EVPLL: variants seen among roughly 807,000 people sequenced by gnomAD.
EVPLL encodes the protein envoplakin-like protein.
EVPLL carries 39 observed loss-of-function variants against 46.2 expected under a neutral mutation model. The observed-to-expected ratio is 0.84, with a 90% confidence interval of 0.65 to 1.10. The LOEUF is 1.10. Ranked by LOEUF, EVPLL falls within the 50% of genes least tolerant of loss-of-function variation. The probability of loss-of-function intolerance (pLI) is 0.00; values close to 1 mark genes in which losing one functional copy is unlikely to be tolerated. For missense variants in EVPLL, 385 were observed against 412.6 expected (o/e 0.93, Z 0.58); for synonymous variants, 156 against 165.8 (o/e 0.94, Z 0.46).
intron 1 of EVPLL, 151 bp from the exon 2 acceptor site, chr17:18,380,751 G>C (rs1987536305): frequency 1.7e-5 from 11 of 657,850 alleles, no homozygotes; most frequent in Non-Finnish European, 2.9e-5. Context: ...CTAGCTCACA[G>C]AGCCTCCTGC....
chr17:18,380,682 G>A lies in EVPLL; in HGVS notation c.-36-220G>A, dbSNP rs1987533879. The A allele has an allele frequency of 9.5e-6, 5 of 525,526 alleles. No homozygotes were observed. In the South Asian group the frequency reaches 1.2e-4, roughly 13 times the overall value. The allele number at this position is 525,526 out of a possible 1,614,324, so 32.6% of individuals were successfully genotyped here. ...CTGACACCCAGCACCACACAGACCT[G>A]AGACCCTCACCTTTTGACCCCTCAT... is the stretch of plus-strand genomic sequence containing the variant. On this transcript the variant is annotated intron_variant, in intron 1 of 10. Transcript: ENST00000399134.
chr17:18,381,338 T>C lies in EVPLL; in HGVS notation c.64-29T>C, dbSNP rs1987562787. The C allele has an allele frequency of 1.3e-6, 2 of 1,527,420 alleles. No individual in the cohort carries two copies. Among genetic ancestry groups the C allele is most frequent in the Non-Finnish European group, 1.8e-6 (2 of 1,132,948 alleles). The allele number at this position is 1,527,420 out of a possible 1,614,324, so 94.6% of individuals were successfully genotyped here. A position where few individuals can be genotyped will look rare whatever the true frequency, so the allele number is the denominator to read the frequency against. On this transcript the variant is annotated intron_variant, in intron 2 of 10. Transcript: ENST00000399134. This position sits in a 1 kb window ranked among gnomAD's most constrained non-coding sequence, Gnocchi z 4.2. Reference sequence around the variant, plus strand: ...GCAGGGGTGTGGGGGCTCTGGACCCTGGCAAGTCTGCCCATCCCCTGCCCA... The same window carrying C: ...GCAGGGGTGTGGGGGCTCTGGACCCCGGCAAGTCTGCCCATCCCCTGCCCA...
chr17:18,386,275 A>T (rs1987761157), intron 9 of EVPLL: 1 of 152,158 alleles, frequency 6.6e-6, no homozygotes, highest in Non-Finnish European at 1.5e-5. Flanking sequence ...GACATCAGTC[A>T]TATTGAATTG....
intron 9 of EVPLL, among the ~76,000 whole-genome samples, chr17:18,386,147 G>A (rs11870681): frequency 0.038 from 5,851 of 152,144 alleles, 357 homozygotes; most frequent in African/African-American, 0.13. Flanking sequence ...TTTCCAGGGC[G>A]GTGCGGGAAG....
At position 18,377,816 on chromosome 17, in the gene EVPLL, C is replaced by A; in HGVS notation, c.-204C>A. 1 of 630,828 alleles carries A rather than the reference C, an allele frequency of 1.6e-6. No homozygotes were observed. Among genetic ancestry groups the A allele is most frequent in the Non-Finnish European group, 2.7e-6 (1 of 366,536 alleles). 39.1% of individuals were successfully genotyped at this position (630,828 alleles called of 1,614,324 possible). A position where few individuals can be genotyped will look rare whatever the true frequency, so the allele number is the denominator to read the frequency against. ...GACCAGCCAGCAAGGACGCCCGCTG[C>A]CTCCCACCTGCCCTCCTGCCCTCCT... On this transcript the variant is annotated 5_prime_UTR_variant, in exon 1 of 11. Coordinates refer to ENST00000399134, the MANE Select transcript of EVPLL (RefSeq NM_001145127.2).
At chr17:18,382,343 A>T in intron 4 of EVPLL, 170 bp from the exon 5 acceptor site, 1 of 794,522 alleles carries the variant, frequency 1.3e-6, no homozygotes, top group Non-Finnish European at 1.9e-6. Context: ...CACCCTGCAG[A>T]GCAGAATGGC....
In EVPLL at chr17:18,377,794, C is replaced by A. The variant is rs1987428796; in HGVS notation, c.-226C>A. On this transcript the variant is annotated 5_prime_UTR_variant, in exon 1 of 11. Coordinates refer to ENST00000399134, the MANE Select transcript of EVPLL (RefSeq NM_001145127.2). Reference sequence around the variant, plus strand: ...CCCCACCTTGCCAGACTTAGCTGACCAGCCAGCAAGGACGCCCGCTGCCTC... The same window carrying A: ...CCCCACCTTGCCAGACTTAGCTGACAAGCCAGCAAGGACGCCCGCTGCCTC... 7 of 578,744 alleles carry A rather than the reference C, an allele frequency of 1.2e-5. No homozygotes were observed. The East Asian group carries it at 2.7e-4, about 22-fold the overall frequency. The allele number at this position is 578,744 out of a possible 1,614,324, so 35.9% of individuals were successfully genotyped here.
intron 8 of EVPLL, 56 bp downstream of exon 8, chr17:18,383,434 G>C (rs1987665394): frequency 6.5e-7 from 1 of 1,539,628 alleles, no homozygotes; most frequent in Non-Finnish European, 8.8e-7. Context: ...GGAAGGGGGG[G>C]GTGGACGTGG....
chr17:18,387,410 A>G (rs796139787), intron 9 of EVPLL, among the ~76,000 whole-genome samples: 2,425 of 125,176 alleles, frequency 0.019, 6 homozygotes, highest in African/African-American at 0.038. Flanking sequence ...AGCCTCCCCA[A>G]TGGCCTCCCT....
chr17:18,382,934 G>T, intron 6 of EVPLL, 70 bp downstream of exon 6: 3 of 1,593,438 alleles, frequency 1.9e-6, no homozygotes, highest in Non-Finnish European at 1.7e-6. Flanking sequence ...CCCTGCCCGG[G>T]GCCAGTGTTC....
Position 18,377,910 on chromosome 17 carries a change from TCC to T in EVPLL, c.-108_-107del. ...CATGTTCAAGGGACTGAGCAAAGGC[TCC>T]CAGGGGAAGGGGTCCCCCAAGGACT... On this transcript the variant is annotated 5_prime_UTR_variant, in exon 1 of 11. The change abolishes the stop of an existing upstream ORF in the 5' untranslated region. Transcript: ENST00000399134. 8.8e-7 allele frequency: 1 copy of T among 1,140,820 alleles called. No homozygotes were observed. Among genetic ancestry groups the T allele is most frequent in the Non-Finnish European group, 1.2e-6 (1 of 821,806 alleles). The allele number at this position is 1,140,820 out of a possible 1,614,324, so 70.7% of individuals were successfully genotyped here.
At chr17:18,382,117 G>T (rs570196584) in intron 4 of EVPLL, 1 of 362,868 alleles carries the variant, frequency 2.8e-6, no homozygotes, top group Non-Finnish European at 5.2e-6. Context: ...CCACACAGAA[G>T]GGGTGTCATC....
At chr17:18,379,435 T>G (rs1392736807) in intron 1 of EVPLL, among the ~76,000 whole-genome samples, 1 of 152,202 alleles carries the variant, frequency 6.6e-6, no homozygotes, top group Non-Finnish European at 1.5e-5. Flanking sequence ...TGACCTGTCC[T>G]CCCTGGGGCA....
rs1162764600 is a variant in EVPLL at position 18,381,758 on chromosome 17, G to A, written c.346+28G>A. Reference sequence around the variant, plus strand: ...CAGGAGCTCAAAGTCACACCCCAGTGTGATCAGAGGGTGATACGGAACTGC... The same window carrying A: ...CAGGAGCTCAAAGTCACACCCCAGTATGATCAGAGGGTGATACGGAACTGC... On this transcript the variant is annotated intron_variant, in intron 4 of 10. Coordinates refer to ENST00000399134, the MANE Select transcript of EVPLL (RefSeq NM_001145127.2). The surrounding 1 kb of genome is among the most constrained non-coding windows in gnomAD (Gnocchi z 4.2). 2 of 1,614,020 alleles carry A rather than the reference G, an allele frequency of 1.2e-6. No homozygotes were observed. The highest frequency in any genetic ancestry group is 2.2e-5 in the South Asian group (2 of 91,082).
intron 9 of EVPLL, among the ~76,000 whole-genome samples, chr17:18,385,870 CCCCGCCGT>C (rs1405318278): frequency 6.6e-6 from 1 of 152,194 alleles, no homozygotes; most frequent in Non-Finnish European, 1.5e-5. Context: ...GCACCCTGCA[CCCCGCCGT>C]CCCCACCCTG....
chr17:18,382,868 A>G lies in EVPLL; in HGVS notation c.511+4A>G. 1 of 1,612,892 alleles carries G rather than the reference A, an allele frequency of 6.2e-7. No homozygotes were observed. Among genetic ancestry groups the G allele is most frequent in the African/African-American group, 1.3e-5 (1 of 74,984 alleles). Reference sequence around the variant, plus strand: ...GAGCCAATACCGAGACCTACTGGTGAGCAGGAGGGAGGGTCGGGCAGGGTG... The same window carrying G: ...GAGCCAATACCGAGACCTACTGGTGGGCAGGAGGGAGGGTCGGGCAGGGTG... On this transcript the variant is annotated splice_donor_region_variant and intron_variant, in intron 6 of 10. Coordinates refer to ENST00000399134, the MANE Select transcript of EVPLL (RefSeq NM_001145127.2).
At chr17:18,386,381 A>T (rs1052492669) in intron 9 of EVPLL, 4 of 152,010 alleles carry the variant, frequency 2.6e-5, no homozygotes, top group Non-Finnish European at 5.9e-5. Flanking sequence ...GGCTAAGGAC[A>T]TCAACATAGG....
Position 18,382,633 on chromosome 17 carries a change from G to C in EVPLL, c.467G>C (p.Gly156Ala). 6.4e-7 allele frequency: 1 copy of C among 1,552,074 alleles called. No homozygotes were observed. Among genetic ancestry groups the C allele is most frequent in the East Asian group, 2.4e-5 (1 of 40,958 alleles). ...RPRRAAAEPGGAGCRHHPEPI... is the reference protein window; with the variant it reads ...RPRRAAAEPGAAGCRHHPEPI... ...AGGAGAGCAGCTGCGGAGCCTGGTG[G>C]GGCCGGTGGGTGAGCCGGGAAGATG... Residue 156 changes from glycine to alanine, a missense_variant, in exon 5 of 11, where the codon GGG becomes GCG. Transcript: ENST00000399134.
chr17:18,379,853 G>C (rs1987501297), intron 1 of EVPLL: 1 of 152,214 alleles, frequency 6.6e-6, no homozygotes, highest in African/African-American at 2.4e-5. Context: ...GCTCACAATA[G>C]CCCTAAGGCA....
Sources: gnomAD v4.1 joint callset for allele counts (sites outside exome capture counted in the v4.1 genomes callset) on GRCh38, gnomAD v4.1.1 for gene constraint, Gnocchi (gnomAD v3.1) non-coding constraint, MANE v1.5 for transcripts, NCBI Gene and HGNC (gene_info 2026-07-23, HGNC 2026-07-21) for gene names.